The following PCDHGA2 variants were observed in gnomAD, a reference collection of about 807,000 sequenced individuals.
The protein encoded by PCDHGA2 is protocadherin gamma subfamily A, 2, also known as protocadherin gamma-A2.
PCDHGA2 carries 40 observed loss-of-function variants against 59.2 expected under a neutral mutation model. The ratio of observed to expected loss-of-function variants is 0.68; its 90% CI spans 0.52 to 0.88. The LOEUF is 0.88. PCDHGA2 is among the 40% of genes least tolerant of loss of function. The pLI is 0.00. For synonymous variants in PCDHGA2, 560 were observed against 526.0 expected, an observed-to-expected ratio of 1.06 and a Z score of -0.89; for missense variants, 1,226 against 1,204.0, an observed-to-expected ratio of 1.02 and a Z score of -0.27.
Position 141,432,856 on chromosome 5 carries a change from G to A in PCDHGA2, c.2425-61951G>A, listed in dbSNP as rs773243805. 8.7e-6 allele frequency: 14 copies of A among 1,614,024 alleles called. No homozygotes were observed. The highest frequency in any genetic ancestry group is 1.3e-5 in the African/African-American group (1 of 74,908). ...TGTACCTGGTGGTAGCGGTGGCCGC[G>A]GTCTCCTGCGTCTTCCTGGCCTTCG... On this transcript the variant is annotated intron_variant, in intron 1 of 3. Coordinates refer to ENST00000394576, the MANE Select transcript of PCDHGA2 (RefSeq NM_018915.4). The surrounding 1 kb of genome is among the most constrained non-coding windows in gnomAD (Gnocchi z 6.0).
At chr5:141,428,049 G>A (rs770637382) in intron 1 of PCDHGA2, 16 of 1,608,954 alleles carry the variant, frequency 9.9e-6, no homozygotes, top group Non-Finnish European at 1.4e-5. Flanking sequence ...GGTGACCAAG[G>A]TGGTGGCGGT....
intron 1 of PCDHGA2, among the ~76,000 whole-genome samples, chr5:141,492,206 G>T (rs1180294159): frequency 6.6e-6 from 1 of 152,204 alleles, no homozygotes; most frequent in African/African-American, 2.4e-5. Context: ...TTAGGTGTGC[G>T]CGCGGGGCTC....
chr5:141,397,512 A>G (rs1043730091), intron 1 of PCDHGA2, among the ~76,000 whole-genome samples: 1 of 152,242 alleles, frequency 6.6e-6, no homozygotes, highest in Non-Finnish European at 1.5e-5. Context: ...AATTGTTTCC[A>G]TAGCTAATAA....
rs745697154 is a variant in PCDHGA2 at position 141,351,532 on chromosome 5, C to T, written c.2424+10137C>T. On this transcript the variant is annotated intron_variant, in intron 1 of 3. Transcript: ENST00000394576. ...TCACAATCATAGCCACCGACAAGGGCAAACCAGCCCTTTCCTCCAGGACAA... is the reference window on the plus strand; with the variant it reads ...TCACAATCATAGCCACCGACAAGGGTAAACCAGCCCTTTCCTCCAGGACAA... 4 of 1,613,928 alleles carry T rather than the reference C, an allele frequency of 2.5e-6. No homozygotes were observed. The African/African-American group carries it at 4.0e-5, about 16-fold the overall frequency.
intron 1 of PCDHGA2, chr5:141,417,772 C>G: frequency 6.9e-7 from 1 of 1,456,320 alleles, no homozygotes; most frequent in East Asian, 2.5e-5. Context: ...GGGACTCCTC[C>G]TGTCCTGGGC....
At chr5:141,392,903 G>A in intron 1 of PCDHGA2, 1 of 1,613,884 alleles carries the variant, frequency 6.2e-7, no homozygotes, top group South Asian at 1.1e-5. Flanking sequence ...GGAGGGGACA[G>A]ATTCGCTACT....
chr5:141,498,737 G>A (rs1176793634), intron 2 of PCDHGA2, among the ~76,000 whole-genome samples: 1 of 152,076 alleles, frequency 6.6e-6, no homozygotes, highest in African/African-American at 2.4e-5. Context: ...TTTGAGACCA[G>A]CCTGGCCAAC....
At position 141,428,042 on chromosome 5, in the gene PCDHGA2, G is replaced by A; in HGVS notation, c.2425-66765G>A. The A allele has an allele frequency of 1.9e-6, 3 of 1,608,716 alleles. No individual in the cohort carries two copies. The South Asian group carries it at 3.3e-5, about 18-fold the overall frequency. On this transcript the variant is annotated intron_variant, in intron 1 of 3. Transcript: ENST00000394576. ...GCGCCGCAGAGTCCGGCTACCTGGT[G>A]ACCAAGGTGGTGGCGGTGGACGCAG...
chr5:141,415,078 G>C, intron 1 of PCDHGA2: 1 of 1,613,494 alleles, frequency 6.2e-7, no homozygotes, highest in Non-Finnish European at 8.5e-7. Context: ...CACGGCGCGA[G>C]CCCTGCTGGA....
chr5:141,370,747 A>T (rs780618979), intron 1 of PCDHGA2: 2 of 1,613,952 alleles, frequency 1.2e-6, no homozygotes, highest in Non-Finnish European at 1.7e-6. Flanking sequence ...AACTTTTTTC[A>T]TGTAACTGTG....
intron 1 of PCDHGA2, chr5:141,423,454 G>C (rs1323921797): frequency 1.9e-6 from 3 of 1,614,030 alleles, no homozygotes; most frequent in Non-Finnish European, 2.5e-6. Context: ...ACATTTTGTA[G>C]GCGTGGACGG....
At chr5:141,478,428 C>G in intron 1 of PCDHGA2, 1 of 1,613,746 alleles carries the variant, frequency 6.2e-7, no homozygotes. Flanking sequence ...CGCAGCGACC[C>G]GCTGCTGAAG....
intron 1 of PCDHGA2, chr5:141,478,553 T>G (rs1593930915): frequency 6.2e-7 from 1 of 1,602,704 alleles, no homozygotes; most frequent in Non-Finnish European, 8.5e-7. Context: ...ACAGGTAAGG[T>G]TTAGCAAGTC....
At chr5:141,495,236 A>G (rs2099759742) in intron 2 of PCDHGA2, among the ~76,000 whole-genome samples, 1 of 152,168 alleles carries the variant, frequency 6.6e-6, no homozygotes, top group South Asian at 2.1e-4. Flanking sequence ...GGGCTCCATT[A>G]TGACCTGGGG....
chr5:141,345,600 G>C (rs1440053153), intron 1 of PCDHGA2: 4 of 1,614,154 alleles, frequency 2.5e-6, no homozygotes, highest in African/African-American at 1.3e-5. Context: ...CTTCGACTAC[G>C]AGCAATTTAG....
intron 1 of PCDHGA2, chr5:141,423,184 C>T (rs747938944): frequency 9.3e-6 from 15 of 1,613,442 alleles, no homozygotes; most frequent in Non-Finnish European, 1.2e-5. Context: ...CCACGGCCAG[C>T]CCCCTCTCTC....
chr5:141,510,426 T>C (rs983368750), intron 3 of PCDHGA2, among the ~76,000 whole-genome samples: 1 of 152,084 alleles, frequency 6.6e-6, no homozygotes, highest in African/African-American at 2.4e-5. Flanking sequence ...CATGGTTTCA[T>C]GGCTGCTGCC....
intron 1 of PCDHGA2, chr5:141,423,809 GT>G (rs1484832928): frequency 7.9e-7 from 1 of 1,259,912 alleles, no homozygotes; most frequent in African/African-American, 1.6e-5. Context: ...ATACATGTGA[GT>G]TTTACTTTGC....
At chr5:141,360,818 T>C (rs375213182) in intron 1 of PCDHGA2, 1 of 1,613,810 alleles carries the variant, frequency 6.2e-7, no homozygotes, top group African/African-American at 1.3e-5. Flanking sequence ...ACGACCCAAA[T>C]CCGAATCAAA....
Sources: allele counts gnomAD v4.1 joint callset (sites outside exome capture counted in the v4.1 genomes callset), GRCh38; gene constraint gnomAD v4.1.1; non-coding constraint Gnocchi (gnomAD v3.1); transcripts MANE v1.5; gene names NCBI Gene and HGNC (gene_info 2026-07-23, HGNC 2026-07-21).